NOL8: variants seen among roughly 807,000 people sequenced by gnomAD.
The protein encoded by NOL8 is nucleolar protein 8.
In NOL8, 93 loss-of-function variants were observed where a neutral mutation model predicts 116.1. The observed-to-expected ratio is 0.80, with a 90% CI of 0.68 to 0.95. NOL8 has a LOEUF of 0.95. Ranked by LOEUF, NOL8 falls within the 40% of genes least tolerant of loss-of-function variation. NOL8 has a pLI of 0.00. For missense variants in NOL8, 1,291 were observed against 1,382.8 expected (o/e 0.93, Z 1.05); for synonymous variants, 419 against 469.0 (o/e 0.89, Z 1.38).
At chr9:92,306,621 C>T (rs974349179) in intron 11 of NOL8, among the ~76,000 whole-genome samples, 1 of 152,158 alleles carries the variant, frequency 6.6e-6, no homozygotes, top group African/African-American at 2.4e-5. Context: ...AATACTTTTA[C>T]AGTTACTATT....
At position 92,306,939 on chromosome 9, in the gene NOL8, T is replaced by G; in HGVS notation, c.2772A>C (p.Gln924His). Residue 924 changes from glutamine (Q) to histidine (H), a missense_variant, in exon 11 of 17, where the codon CAA (glutamine) becomes CAC (histidine). Transcript: ENST00000442668. ...KALNVVQSVL[Q>H]INLSNSTNRG... ...TGTTTGTAGAATTGCTTAAGTTGAT[T>G]TGCAAAACACTTTGTACAACATTCA... is the stretch of plus-strand genomic sequence containing the variant. 6.2e-7 allele frequency: 1 copy of G among 1,613,482 alleles called. No individual in the cohort carries two copies. The highest frequency in any genetic ancestry group is 1.7e-5 in the Admixed American group (1 of 60,008).
In NOL8 at chr9:92,315,316, C is replaced by T; in HGVS notation, c.1309G>A (p.Ala437Thr). 1 of 1,613,830 alleles carries T rather than the reference C, an allele frequency of 6.2e-7. No individual in the cohort carries two copies. The highest frequency in any genetic ancestry group is 8.5e-7 in the Non-Finnish European group (1 of 1,179,816). The part of the protein sequence containing the change: ...LQKRKSNVES[A>T]LSHGLKSLNR... ...AGAGACTTTAATCCATGACTGAGGG[C>T]TGACTCTACATTGCTTTTTCTTTTT... Residue 437 changes from alanine (A) to threonine (T), a missense_variant, in exon 7 of 17, where the codon GCC (alanine) becomes ACC (threonine). By Grantham distance (58) the Ala-to-Thr change is moderately conservative. Coordinates refer to ENST00000442668, the MANE Select transcript of NOL8 (RefSeq NM_017948.6).
At chr9:92,302,418 C>G (rs903184443) in intron 12 of NOL8, among the ~76,000 whole-genome samples, 2 of 152,146 alleles carry the variant, frequency 1.3e-5, no homozygotes, top group Non-Finnish European at 2.9e-5. Context: ...ATATTAAAAT[C>G]CTTTTTCCTC....
chr9:92,307,013 T>C lies in NOL8; in HGVS notation c.2698A>G (p.Lys900Glu). 2 of 1,610,252 alleles carry C rather than the reference T, an allele frequency of 1.2e-6. No individual in the cohort carries two copies. The highest frequency in any genetic ancestry group is 1.7e-6 in the Non-Finnish European group (2 of 1,179,252). The stretch of plus-strand genomic sequence containing the variant: ...AGCTCTTCTTCCTCAGCAGTTTTCT[T>C]TTCATTTACCTCTTTGAGGAAAAGG... ...SEEEQEEVNEKKTAEEEELAE... is the reference protein window; with the variant it reads ...SEEEQEEVNEEKTAEEEELAE... Residue 900 changes from lysine (K) to glutamate (E), a missense_variant, in exon 11 of 17, where the codon AAG becomes GAG. Physicochemically the swap from Lys to Glu is moderately conservative, Grantham distance 56. Transcript: ENST00000442668.
At position 92,310,490 on chromosome 9, in the gene NOL8, T is replaced by A. The variant is rs145937742; in HGVS notation, c.2595+63A>T. ...AAGGTCTGCCTGCATTTACCCAGAT[T>A]TAAGGACTATGTCAAAAAATAAGGA... On this transcript the variant is annotated intron_variant, in intron 9 of 16. Coordinates refer to ENST00000442668, the MANE Select transcript of NOL8 (RefSeq NM_017948.6). The A allele has an allele frequency of 7.5e-4, 1,156 of 1,537,130 alleles. 7 individuals carry two copies. In the African/African-American group the frequency reaches 0.013, roughly 17 times the overall value.
Position 92,315,964 on chromosome 9 carries a change from T to A in NOL8, c.661A>T (p.Ile221Leu), listed in dbSNP as rs1347235377. The A allele has an allele frequency of 6.2e-7, 1 of 1,613,968 alleles. No individual in the cohort carries two copies. Among genetic ancestry groups the A allele is most frequent in the Admixed American group, 1.7e-5 (1 of 60,008 alleles). Reference sequence around the variant, plus strand: ...GAACTCTCATCCTTCTGCACTTTTATTATCTTCTTGGGAGGGCCATGAAAG... The same window carrying A: ...GAACTCTCATCCTTCTGCACTTTTAATATCTTCTTGGGAGGGCCATGAAAG... ...SDFHGPPKKI[I>L]KVQKDESSTG... The change falls in exon 7 of 17, where the codon ATA (isoleucine) becomes TTA (leucine). Residue 221 changes from isoleucine (I) to leucine (L), a missense_variant. Ile to Leu is a conservative substitution (Grantham distance 5, BLOSUM62 2). Coordinates refer to ENST00000442668, the MANE Select transcript of NOL8 (RefSeq NM_017948.6).
At position 92,324,136 on chromosome 9, in the gene NOL8, C is replaced by T. The variant is rs754321629; in HGVS notation, c.26G>A (p.Arg9His). Residue 9 changes from arginine (R) to histidine (H), a missense_variant, in exon 2 of 17, where the codon CGC (arginine) becomes CAC (histidine). By Grantham distance (29) the Arg-to-His change is conservative (BLOSUM62 0). Transcript: ENST00000442668. ...CTGGCTAAGGCCACCCACATAAAGG[C>T]GCTTCGTTTCTCTGTTCACTTTCAT... MKVNRETK[R>H]LYVGGLSQDI... 8 of 1,613,804 alleles carry T rather than the reference C, an allele frequency of 5.0e-6. No individual in the cohort carries two copies. The highest frequency in any genetic ancestry group is 5.1e-6 in the Non-Finnish European group (6 of 1,179,766).
intron 1 of NOL8, chr9:92,324,995 G>A (rs952883116): frequency 4.6e-5 from 7 of 152,116 alleles, no homozygotes; most frequent in African/African-American, 1.4e-4. Flanking sequence ...CTGTATCACA[G>A]GGGACTCAGG....
chr9:92,324,278 C>G (rs1004209724), intron 1 of NOL8, 69 bp from the exon 2 acceptor site: 3 of 1,156,676 alleles, frequency 2.6e-6, no homozygotes, highest in Non-Finnish European at 3.7e-6. Flanking sequence ...TTCCTCTGAA[C>G]CTTCTGTATC....
chr9:92,306,195 T>C (rs546211319), intron 11 of NOL8, among the ~76,000 whole-genome samples: 1 of 152,268 alleles, frequency 6.6e-6, no homozygotes, highest in South Asian at 2.1e-4. Context: ...GGTTTCACCA[T>C]GTTGGCCAGG....
chr9:92,315,639 G>T lies in NOL8; in HGVS notation c.986C>A (p.Ser329Tyr), dbSNP rs749767670. 2.5e-6 allele frequency: 4 copies of T among 1,613,212 alleles called. No individual in the cohort carries two copies. The highest frequency in any genetic ancestry group is 3.4e-6 in the Non-Finnish European group (4 of 1,179,586). Residue 329 changes from serine to tyrosine, a missense_variant, in exon 7 of 17, where the codon TCT becomes TAT. Transcript: ENST00000442668. ...TACAACTTCAAAAGGATCACTTTCAGATTCATTTATTGAGGGTTGTGTAGT... is the reference window on the plus strand; with the variant it reads ...TACAACTTCAAAAGGATCACTTTCATATTCATTTATTGAGGGTTGTGTAGT... ...QRTTQPSINE[S>Y]ESDPFEVVRD... is the part of the protein sequence containing the mutation.
chr9:92,314,264 C>T lies in NOL8; in HGVS notation c.2358+3G>A, dbSNP rs1444754208. On this transcript the variant is annotated splice_donor_region_variant and intron_variant, in intron 7 of 16. Transcript: ENST00000442668. Reference sequence around the variant, plus strand: ...TAAATCCATACATTGAAAATATACTCACCAAATTTGCCAGAGCATTATGCA... The same window carrying T: ...TAAATCCATACATTGAAAATATACTTACCAAATTTGCCAGAGCATTATGCA... 1 of 1,552,596 alleles carries T rather than the reference C, an allele frequency of 6.4e-7. No individual in the cohort carries two copies. The highest frequency in any genetic ancestry group is 1.4e-5 in the African/African-American group (1 of 72,462).
At chr9:92,321,055 T>C (rs1393118887) in intron 4 of NOL8, among the ~76,000 whole-genome samples, 1 of 152,248 alleles carries the variant, frequency 6.6e-6, no homozygotes, top group African/African-American at 2.4e-5. Flanking sequence ...ATCACTCTTA[T>C]GCCTGTCATA....
chr9:92,308,961 G>T (rs1838522463), intron 10 of NOL8: 1 of 152,252 alleles, frequency 6.6e-6, no homozygotes, highest in South Asian at 2.1e-4. Context: ...TCAACATGGA[G>T]TTTTGAGTGA....
In NOL8 at chr9:92,299,959, C is replaced by T. The variant is rs752440683; in HGVS notation, c.3233G>A (p.Arg1078His). 2.6e-5 allele frequency: 42 copies of T among 1,613,454 alleles called. No homozygotes were observed. In the Middle Eastern group the frequency reaches 8.2e-4, roughly 32 times the overall value. ...PGKIVWQEDPRLQDSSSEEED... is the reference protein window; with the variant it reads ...PGKIVWQEDPHLQDSSSEEED... The stretch of plus-strand genomic sequence containing the variant: ...CTCTTCTGAACTGCTGTCTTGTAAA[C>T]GAGGGTCTTCCTGCCAGACAATCTT... The change falls in exon 14 of 17, where the codon CGT becomes CAT. Residue 1078 changes from arginine to histidine, a missense_variant. Arg to His is a conservative substitution (Grantham distance 29). Coordinates refer to ENST00000442668, the MANE Select transcript of NOL8 (RefSeq NM_017948.6).
At chr9:92,311,008 T>C in intron 8 of NOL8, 138 bp downstream of exon 8, 1 of 646,202 alleles carries the variant, frequency 1.5e-6, no homozygotes, top group Non-Finnish European at 2.7e-6. Flanking sequence ...ACCCCTGTAG[T>C]CTCAATATGA....
chr9:92,305,277 T>C (rs1838123701), intron 12 of NOL8, among the ~76,000 whole-genome samples: 1 of 151,978 alleles, frequency 6.6e-6, no homozygotes, highest in African/African-American at 2.4e-5. Flanking sequence ...ATGGGAGTAA[T>C]GTAGTCTCAA....
intron 4 of NOL8, among the ~76,000 whole-genome samples, chr9:92,320,655 G>A (rs967635235): frequency 6.6e-6 from 1 of 150,714 alleles, no homozygotes; most frequent in African/African-American, 2.4e-5. Context: ...TGCCCAGGCT[G>A]GAGTGCAATG....
chr9:92,325,311 C>G lies in NOL8; in HGVS notation c.-54G>C, dbSNP rs1279747244. ...GCCCGAAACCCACTCCTCACCACGT[C>G]GTTCACCTAAAGCCAGCGCCGCTGC... is the stretch of plus-strand genomic sequence containing the variant. On this transcript the variant is annotated 5_prime_UTR_variant, in exon 1 of 17. Coordinates refer to ENST00000442668, the MANE Select transcript of NOL8 (RefSeq NM_017948.6). 6.6e-6 allele frequency: 1 copy of G among 152,404 alleles called. No homozygotes were observed. The highest frequency in any genetic ancestry group is 1.5e-5 in the Non-Finnish European group (1 of 68,196). The allele number at this position is 152,404 out of a possible 1,614,324, so 9.4% of individuals were successfully genotyped here. A position where few individuals can be genotyped will look rare whatever the true frequency, so the allele number is the denominator to read the frequency against.
Sources: allele counts gnomAD v4.1 joint callset (sites outside exome capture counted in the v4.1 genomes callset), GRCh38; gene constraint gnomAD v4.1.1; transcripts MANE v1.5; gene names NCBI Gene and HGNC (gene_info 2026-07-23, HGNC 2026-07-21).